Variants in PCNX2 observed in about 807,000 individuals in gnomAD.
PCNX2 encodes the protein pecanex-like protein 2.
In PCNX2, 168 loss-of-function variants were observed where a neutral mutation model predicts 223.8. The ratio of observed to expected loss-of-function variants is 0.75; its 90% CI spans 0.66 to 0.85. PCNX2 has a LOEUF of 0.85. Among genes scored for constraint, PCNX2 ranks in the 40% least tolerant of loss-of-function variants. The pLI, the probability that PCNX2 is intolerant of heterozygous loss-of-function variation, is 0.00. For synonymous variants in PCNX2, 1,006 were observed against 1,052.6 expected, an observed-to-expected ratio of 0.96 and a Z score of 0.86; for missense variants, 2,507 against 2,675.5, an observed-to-expected ratio of 0.94 and a Z score of 1.39.
At position 233,054,429 on chromosome 1, in the gene PCNX2, A is replaced by C. The variant is rs1672115638; in HGVS notation, c.4190T>G (p.Leu1397Arg). Residue 1397 changes from leucine (L) to arginine (R), a missense_variant, in exon 25 of 34, where the codon CTC becomes CGC. By Grantham distance (102) the Leu-to-Arg change is moderately radical (BLOSUM62 -2). Transcript: ENST00000258229. ...SIFYEHLTRT[L>R]QESLCGDLVL... is the part of the protein sequence containing the mutation. ...TAAGTCTCCACAGAGGGACTCCTGG[A>C]GGGTCCTTGTCAAGTGTTCATAAAA... 6.2e-7 allele frequency: 1 copy of C among 1,613,754 alleles called. No individual in the cohort carries two copies. The highest frequency in any genetic ancestry group is 8.5e-7 in the Non-Finnish European group (1 of 1,179,824).
chr1:233,043,563 C>G (rs1008029302), intron 25 of PCNX2, among the ~76,000 whole-genome samples: 3 of 120,046 alleles, frequency 2.5e-5, no homozygotes, highest in Admixed American at 9.6e-5. Context: ...TCCCTCCCCC[C>G]ACCCCACAAC....
intron 1 of PCNX2, among the ~76,000 whole-genome samples, chr1:233,283,021 T>TAA (rs34117932): frequency 3.6e-4 from 54 of 149,160 alleles, no homozygotes; most frequent in East Asian, 2.8e-3. Flanking sequence ...ATGCGTATTC[T>TAA]AAAAAAAAAA....
chr1:233,267,271 C>T (rs1188776432), intron 1 of PCNX2, among the ~76,000 whole-genome samples: 2 of 123,650 alleles, frequency 1.6e-5, no homozygotes, highest in Admixed American at 7.6e-5. Context: ...GAGCCAAGAT[C>T]GCACGCACCA....
chr1:233,072,543 T>C (rs1400482012), intron 23 of PCNX2, among the ~76,000 whole-genome samples: 2 of 152,302 alleles, frequency 1.3e-5, no homozygotes, highest in South Asian at 4.1e-4. Context: ...CTGATGGGCA[T>C]TTAGGCTTAT....
intron 19 of PCNX2, among the ~76,000 whole-genome samples, chr1:233,148,034 T>C (rs2102794546): frequency 6.6e-6 from 1 of 152,368 alleles, no homozygotes; most frequent in East Asian, 1.9e-4. Flanking sequence ...AATTCAGCTC[T>C]AGTTTACTGC....
intron 19 of PCNX2, among the ~76,000 whole-genome samples, chr1:233,145,737 G>A (rs1237767896): frequency 6.6e-6 from 1 of 152,082 alleles, no homozygotes; most frequent in Non-Finnish European, 1.5e-5. Flanking sequence ...TCAGTACATG[G>A]TAACAGTAAA....
At chr1:233,130,227 C>G (rs1006561412) in intron 21 of PCNX2, among the ~76,000 whole-genome samples, 16 of 152,136 alleles carry the variant, frequency 1.1e-4, no homozygotes, top group African/African-American at 3.9e-4. Flanking sequence ...CTGTAACACT[C>G]ACCATGAGGG....
At chr1:233,019,129 A>T in intron 26 of PCNX2, 8 of 985,270 alleles carry the variant, frequency 8.1e-6, no homozygotes, top group Non-Finnish European at 9.6e-6. Context: ...ACAGTCTGTG[A>T]TTTCCACTAA....
Position 233,090,119 on chromosome 1 carries a change from T to G in PCNX2, c.4018A>C (p.Ser1340Arg). Residue 1340 changes from serine to arginine, a missense_variant, in exon 23 of 34, where the codon AGT becomes CGT. Physicochemically the swap from Ser to Arg is moderately radical, Grantham distance 110. Transcript: ENST00000258229. Reference sequence around the variant, plus strand: ...ACATATGATGTGATGAAAATGACACTCCCAAGAAATGGGCTCAATGGGGTA... The same window carrying G: ...ACATATGATGTGATGAAAATGACACGCCCAAGAAATGGGCTCAATGGGGTA... ...FSTPLSPFLG[S>R]VIFITSYVRP... 6.2e-7 allele frequency: 1 copy of G among 1,613,716 alleles called. No individual in the cohort carries two copies. The highest frequency in any genetic ancestry group is 8.5e-7 in the Non-Finnish European group (1 of 1,179,792).
chr1:233,307,306 G>A, the PCNX2 span, among the ~76,000 whole-genome samples: 1 of 152,162 alleles, frequency 6.6e-6, no homozygotes, highest in Admixed American at 6.5e-5. Flanking sequence ...TGAATGGCTT[G>A]GTGCCATTCT....
intron 1 of PCNX2, among the ~76,000 whole-genome samples, chr1:233,276,735 C>T (rs1660934030): frequency 6.6e-6 from 1 of 152,138 alleles, no homozygotes; most frequent in African/African-American, 2.4e-5. Context: ...AAGCAGAAGT[C>T]CCACGTTGTT....
At chr1:232,984,550 C>A (rs1669397667) in intron 33 of PCNX2, 73 bp from the exon 34 acceptor site, 1 of 1,500,752 alleles carries the variant, frequency 6.7e-7, no homozygotes, top group Admixed American at 1.9e-5. Flanking sequence ...GGCATCACCC[C>A]CATCCGTGCT....
At chr1:232,999,074 C>G in intron 31 of PCNX2, 31 bp downstream of exon 31, 1 of 1,566,904 alleles carries the variant, frequency 6.4e-7, no homozygotes, top group Non-Finnish European at 8.7e-7. Flanking sequence ...CCCCCAGCAT[C>G]TGGACAGAGG....
chr1:233,069,964 C>T lies in PCNX2; in HGVS notation c.4077-12674G>A, dbSNP rs548823875. On this transcript the variant is annotated intron_variant, in intron 23 of 33. Transcript: ENST00000258229. ...CTTTGAGAATATCAATCAATAACAT[C>T]GAAAAATCTCTAACCAGACTGACAA... Among the ~76,000 whole-genome samples, 31 of 152,018 alleles carry T rather than the reference C, an allele frequency of 2.0e-4. No individual in the cohort carries two copies. In the South Asian group the frequency reaches 4.6e-3, roughly 22 times the overall value.
intron 21 of PCNX2, among the ~76,000 whole-genome samples, chr1:233,115,689 A>G (rs1281071963): frequency 1.3e-5 from 2 of 152,244 alleles, no homozygotes; most frequent in Non-Finnish European, 2.9e-5. Context: ...GAATTATCAT[A>G]CAGGAGATGT....
In PCNX2 at chr1:233,200,201, C is replaced by T. The variant is rs1482509594; in HGVS notation, c.2927G>A (p.Cys976Tyr). 1.9e-6 allele frequency: 3 copies of T among 1,596,086 alleles called. No homozygotes were observed. The highest frequency in any genetic ancestry group is 2.6e-6 in the Non-Finnish European group (3 of 1,170,906). The change falls in exon 14 of 34, where the codon TGC becomes TAC. Residue 976 changes from cysteine (C) to tyrosine (Y), a missense_variant. By Grantham distance (194) the Cys-to-Tyr change is radical. Around this residue, in one of 3 missense-constraint regions of PCNX2, gnomAD observed 1,372 missense variants for 1,509.4 expected, o/e 0.91. Transcript: ENST00000258229. ...LGLFPQINTF[C>Y]TYLLEQIDML... Reference sequence around the variant, plus strand: ...GTCAATTTGCTCCAAAAGATAAGTGCAGAAAGTGTTGATTTGCGGGAAGAG... The same window carrying T: ...GTCAATTTGCTCCAAAAGATAAGTGTAGAAAGTGTTGATTTGCGGGAAGAG...
At chr1:233,225,315 A>T (rs566693511) in intron 10 of PCNX2, among the ~76,000 whole-genome samples, 1 of 152,272 alleles carries the variant, frequency 6.6e-6, no homozygotes, top group East Asian at 1.9e-4. Context: ...TCTTTCAATG[A>T]CTAAATTGAT....
intron 26 of PCNX2, among the ~76,000 whole-genome samples, chr1:233,021,373 T>C (rs1001016651): frequency 6.6e-6 from 1 of 152,168 alleles, no homozygotes; most frequent in Non-Finnish European, 1.5e-5. Flanking sequence ...TACTTGTATA[T>C]CAAATCACTT....
intron 23 of PCNX2, among the ~76,000 whole-genome samples, chr1:233,075,293 G>A (rs1322182899): frequency 6.6e-6 from 1 of 152,156 alleles, no homozygotes; most frequent in East Asian, 1.9e-4. Flanking sequence ...AATCTCCACT[G>A]AATTATGTTG....
Sources: gnomAD v4.1 joint callset for allele counts (sites outside exome capture counted in the v4.1 genomes callset) on GRCh38, gnomAD v4.1.1 for gene constraint, gnomAD v4.1.1 regional missense constraint, MANE v1.5 for transcripts, NCBI Gene and HGNC (gene_info 2026-07-23, HGNC 2026-07-21) for gene names.